WDPCP: variants seen among roughly 807,000 people sequenced by gnomAD.
WDPCP encodes WD repeat containing planar cell polarity effector.
A neutral mutation model predicts 93.1 loss-of-function variants in WDPCP; 71 were observed. That is an observed-to-expected ratio of 0.76 (90% confidence interval 0.63 to 0.93). WDPCP has a LOEUF of 0.93. Among genes scored for constraint, WDPCP ranks in the 40% least tolerant of loss-of-function variants. The pLI, the probability that WDPCP is intolerant of heterozygous loss-of-function variation, is 0.00. For synonymous variants in WDPCP, 315 were observed against 315.0 expected, an observed-to-expected ratio of 1.00 and a Z score of 0.00; for missense variants, 844 against 887.4, an observed-to-expected ratio of 0.95 and a Z score of 0.62.
intron 2 of WDPCP, among the ~76,000 whole-genome samples, chr2:63,771,002 A>AT (rs760019309): frequency 3.3e-5 from 5 of 151,824 alleles, no homozygotes; most frequent in Non-Finnish European, 7.4e-5. Flanking sequence ...TATAATAGTT[A>AT]TAAGTAAATT....
At chr2:63,294,214 C>A (rs1684665137) in intron 13 of WDPCP, among the ~76,000 whole-genome samples, 1 of 152,056 alleles carries the variant, frequency 6.6e-6, no homozygotes, top group South Asian at 2.1e-4. Flanking sequence ...GATAAAAGTG[C>A]CAAAAGAGGC....
intron 2 of WDPCP, among the ~76,000 whole-genome samples, chr2:63,756,419 C>T (rs1230859476): frequency 4.6e-5 from 7 of 152,046 alleles, no homozygotes; most frequent in Non-Finnish European, 1.0e-4. Flanking sequence ...AATCAGATGG[C>T]AAAATTCTTG....
chr2:63,607,949 A>G (rs913397500), intron 3 of WDPCP, among the ~76,000 whole-genome samples: 1 of 151,644 alleles, frequency 6.6e-6, no homozygotes, highest in Non-Finnish European at 1.5e-5. Context: ...CTAGAAAGAT[A>G]AAGCATAAAT....
intron 17 of WDPCP, among the ~76,000 whole-genome samples, chr2:63,138,163 T>C (rs1160440005): frequency 6.7e-6 from 1 of 149,436 alleles, no homozygotes; most frequent in Non-Finnish European, 1.5e-5. Flanking sequence ...TAATAAAAAA[T>C]TGCACTGCAG....
At chr2:63,758,871 G>C (rs1004671271) in intron 2 of WDPCP, among the ~76,000 whole-genome samples, 2 of 151,980 alleles carry the variant, frequency 1.3e-5, no homozygotes, top group Non-Finnish European at 2.9e-5. Flanking sequence ...TCAGACTCCC[G>C]AGTTCAAGCA....
intron 12 of WDPCP, chr2:63,359,679 C>G (rs1295432266): frequency 2.0e-5 from 3 of 152,192 alleles, no homozygotes; most frequent in African/African-American, 7.2e-5. Flanking sequence ...GAAATCACAT[C>G]CATACAAAAA....
chr2:63,658,395 A>T (rs1710191187), intron 2 of WDPCP, among the ~76,000 whole-genome samples: 1 of 152,206 alleles, frequency 6.6e-6, no homozygotes. Flanking sequence ...TTTGTCAGCC[A>T]GGTACTTTTC....
rs75653656 is a variant in WDPCP at position 63,485,760 on chromosome 2, C to T, written c.254-773G>A. 1.9e-3 allele frequency among the ~76,000 whole-genome samples: 286 copies of T among 151,774 alleles called. 1 individual carries two copies. The East Asian group carries it at 0.02, about 10-fold the overall frequency. On this transcript the variant is annotated intron_variant, in intron 4 of 17. Transcript: ENST00000272321. ...AATGAATTCATCTTTGGATTCTCCT[C>T]ATTAATAATTCTAAATGAGTTATAT...
At chr2:63,733,795 T>C (rs1669598999) in intron 2 of WDPCP, among the ~76,000 whole-genome samples, 1 of 152,172 alleles carries the variant, frequency 6.6e-6, no homozygotes, top group African/African-American at 2.4e-5. Flanking sequence ...CTTGAAAGTG[T>C]ACAATTCAGT....
intron 2 of WDPCP, among the ~76,000 whole-genome samples, chr2:63,691,151 A>G (rs1668882895): frequency 6.6e-6 from 1 of 152,220 alleles, no homozygotes; most frequent in Non-Finnish European, 1.5e-5. Context: ...TTTAGTCTCT[A>G]TTATCCATTA....
chr2:63,485,084 C>T, intron 4 of WDPCP, 97 bp from the exon 5 acceptor site: 1 of 1,284,220 alleles, frequency 7.8e-7, no homozygotes, highest in Admixed American at 1.8e-5. Flanking sequence ...TAAAACACCT[C>T]TATAATCGAG....
At chr2:63,359,229 A>G (rs918789019) in intron 12 of WDPCP, among the ~76,000 whole-genome samples, 3 of 152,216 alleles carry the variant, frequency 2.0e-5, no homozygotes, top group African/African-American at 7.2e-5. Context: ...TTAAACATCT[A>G]TAATATCATC....
At position 63,121,296 on chromosome 2, in the gene WDPCP, AT is replaced by A. The variant is rs1669530559; in HGVS notation, c.*709del. 1 of 152,230 alleles carries A rather than the reference AT, an allele frequency of 6.6e-6. No homozygotes were observed. The highest frequency in any genetic ancestry group is 1.5e-5 in the Non-Finnish European group (1 of 68,030). 9.4% of individuals were successfully genotyped at this position (152,230 alleles called of 1,614,324 possible). A position where few individuals can be genotyped will look rare whatever the true frequency, so the allele number is the denominator to read the frequency against. ...TCTAACAATGGATCTGGGCTGAAAAATTTGCATAATAAATACTGTATTTGTA... is the reference window on the plus strand; with the variant it reads ...TCTAACAATGGATCTGGGCTGAAAAATTGCATAATAAATACTGTATTTGTA... On this transcript the variant is annotated 3_prime_UTR_variant, in exon 18 of 18. Coordinates refer to ENST00000272321, the MANE Select transcript of WDPCP (RefSeq NM_015910.7).
intron 2 of WDPCP, among the ~76,000 whole-genome samples, chr2:63,676,337 C>G (rs890147878): frequency 6.6e-6 from 1 of 152,124 alleles, no homozygotes; most frequent in Non-Finnish European, 1.5e-5. Context: ...GATTCTTGAG[C>G]TAGGAAAAGC....
chr2:63,433,286 G>A (rs1284565445), intron 9 of WDPCP, among the ~76,000 whole-genome samples: 3 of 152,166 alleles, frequency 2.0e-5, no homozygotes, highest in Admixed American at 1.3e-4. Context: ...TCTGAAGAGA[G>A]TAATTGGTAA....
chr2:63,602,934 CTTTTTTTTTTTTTTTTTTTTTTTTTTT>C (rs370479356), intron 3 of WDPCP, among the ~76,000 whole-genome samples: 9 of 131,624 alleles, frequency 6.8e-5, no homozygotes, highest in South Asian at 2.4e-4. Context: ...TTTAACCGTT[CTTTTTTTTTTTTTTTTTTTTTTTTTTT>C]TTTTTTTTTT....
At chr2:63,196,309 A>G (rs1232737871) in intron 14 of WDPCP, among the ~76,000 whole-genome samples, 1 of 152,206 alleles carries the variant, frequency 6.6e-6, no homozygotes, top group Non-Finnish European at 1.5e-5. Context: ...TTCAAGATAA[A>G]TGAATCCAGC....
At chr2:63,130,445 T>A (rs1670217146) in intron 17 of WDPCP, among the ~76,000 whole-genome samples, 1 of 152,132 alleles carries the variant, frequency 6.6e-6, no homozygotes, top group Admixed American at 6.5e-5. Context: ...TTATTTAGGT[T>A]CTCGATTCTG....
intron 14 of WDPCP, among the ~76,000 whole-genome samples, chr2:63,223,646 C>T (rs1678025768): frequency 6.6e-6 from 1 of 152,094 alleles, no homozygotes; most frequent in Non-Finnish European, 1.5e-5. Flanking sequence ...TACCTAGCAG[C>T]AATATGTTTC....
Sources: allele counts gnomAD v4.1 joint callset (sites outside exome capture counted in the v4.1 genomes callset), GRCh38; gene constraint gnomAD v4.1.1; transcripts MANE v1.5; gene names NCBI Gene and HGNC (gene_info 2026-07-23, HGNC 2026-07-21).